Variants in PCDHGB4 observed in about 807,000 individuals in gnomAD.
PCDHGB4 encodes the protein protocadherin gamma-B4.
Under a neutral mutation model 60.5 loss-of-function variants are expected in PCDHGB4, and 38 were observed. The observed-to-expected ratio is 0.63, with a 90% CI of 0.48 to 0.82. The LOEUF (loss-of-function observed/expected upper bound fraction) is 0.82. Ranked by LOEUF, PCDHGB4 falls within the 40% of genes least tolerant of loss-of-function variation. PCDHGB4 has a pLI of 0.00. For missense variants in PCDHGB4, 1,109 were observed against 1,209.6 expected (o/e 0.92, Z 1.23); for synonymous variants, 456 against 509.7 (o/e 0.89, Z 1.42).
chr5:141,432,096 A>G lies in PCDHGB4; in HGVS notation c.2397+41815A>G, dbSNP rs763154183. On this transcript the variant is annotated intron_variant, in intron 1 of 3. Transcript: ENST00000519479. This position sits in a 1 kb window ranked among gnomAD's most constrained non-coding sequence, Gnocchi z 6.0. Reference sequence around the variant, plus strand: ...ATCTCGCTGAACGTGGCAGACACCAACGACAACCCGCCGGTCTTCCCTCAG... The same window carrying G: ...ATCTCGCTGAACGTGGCAGACACCAGCGACAACCCGCCGGTCTTCCCTCAG... The G allele has an allele frequency of 1.9e-6, 3 of 1,613,944 alleles. No homozygotes were observed. Among genetic ancestry groups the G allele is most frequent in the East Asian group, 2.2e-5 (1 of 44,870 alleles).
At chr5:141,430,573 A>C (rs938248057) in intron 1 of PCDHGB4, 8 of 448,940 alleles carry the variant, frequency 1.8e-5, no homozygotes, top group Non-Finnish European at 3.0e-5. Context: ...AGAAAAGCGG[A>C]GATCCTGCTC....
chr5:141,476,421 C>T lies in PCDHGB4; in HGVS notation c.2398-18386C>T, dbSNP rs765688262. On this transcript the variant is annotated intron_variant, in intron 1 of 3. Coordinates refer to ENST00000519479, the MANE Select transcript of PCDHGB4 (RefSeq NM_003736.4). The surrounding 1 kb of genome is among the most constrained non-coding windows in gnomAD (Gnocchi z 7.6). ...CGAGAGGAGCTGTGTGGGACACTGC[C>T]CTCTTGCACTGTAACTCTGGAGTTG... 1 of 1,614,026 alleles carries T rather than the reference C, an allele frequency of 6.2e-7. No homozygotes were observed. The highest frequency in any genetic ancestry group is 8.5e-7 in the Non-Finnish European group (1 of 1,179,994).
At chr5:141,428,024 A>G (rs2097101613) in intron 1 of PCDHGB4, 1 of 1,606,106 alleles carries the variant, frequency 6.2e-7, no homozygotes, top group African/African-American at 1.3e-5. Context: ...CACGCGCCGC[A>G]GAGTCCGGCT....
chr5:141,510,910 A>C (rs780792326), intron 3 of PCDHGB4, 37 bp from the exon 4 acceptor site: 4 of 1,613,740 alleles, frequency 2.5e-6, no homozygotes, highest in Admixed American at 3.3e-5. Flanking sequence ...GAGGACCCTA[A>C]GTTTAGCTCC....
chr5:141,479,572 T>G (rs956648090), intron 1 of PCDHGB4: 2 of 152,190 alleles, frequency 1.3e-5, no homozygotes, highest in African/African-American at 2.4e-5. Context: ...TGGGATGACA[T>G]CTGTGAATAG....
At chr5:141,502,866 C>CTTTTTTTTTTTTTTTT (rs549047197) in intron 2 of PCDHGB4, among the ~76,000 whole-genome samples, 4 of 128,044 alleles carry the variant, frequency 3.1e-5, no homozygotes, top group African/African-American at 3.1e-5. Context: ...GACTCTCTGT[C>CTTTTTTTTTTTTTTTT]TTTTTTTTTT....
Position 141,431,592 on chromosome 5 carries a change from G to A in PCDHGB4, c.2397+41311G>A, listed in dbSNP as rs1429358254. 2.5e-6 allele frequency: 4 copies of A among 1,614,100 alleles called. No individual in the cohort carries two copies. The Admixed American group carries it at 6.7e-5, about 27-fold the overall frequency. The stretch of plus-strand genomic sequence containing the variant: ...GACGAAGGAGTCAATGCGGAAGTGA[G>A]GTATTCCTTCCGGTATGTGGACGAC... On this transcript the variant is annotated intron_variant, in intron 1 of 3. Transcript: ENST00000519479. The surrounding 1 kb of genome is among the most constrained non-coding windows in gnomAD (Gnocchi z 4.8).
At chr5:141,502,866 C>CTTTTTTTT (rs549047197) in intron 2 of PCDHGB4, among the ~76,000 whole-genome samples, 38,988 of 127,080 alleles carry the variant, frequency 0.31, 7,978 homozygotes, top group African/African-American at 0.51. Flanking sequence ...GACTCTCTGT[C>CTTTTTTTT]TTTTTTTTTT....
intron 1 of PCDHGB4, chr5:141,419,828 AC>A (rs1189387492): frequency 6.2e-7 from 1 of 1,614,022 alleles, no homozygotes; most frequent in Non-Finnish European, 8.5e-7. Flanking sequence ...CCTTTCAGCC[AC>A]TGCCACGCTG....
rs751276470 is a variant in PCDHGB4, at chr5:141,431,560, C to A, written c.2397+41279C>A. 6.2e-7 allele frequency: 1 copy of A among 1,614,104 alleles called. No individual in the cohort carries two copies. On this transcript the variant is annotated intron_variant, in intron 1 of 3. Coordinates refer to ENST00000519479, the MANE Select transcript of PCDHGB4 (RefSeq NM_003736.4). This position sits in a 1 kb window ranked among gnomAD's most constrained non-coding sequence, Gnocchi z 4.8. ...CGCAGCTGCTTGTAGTCAACGCTAC[C>A]GACCCTGACGAAGGAGTCAATGCGG...
intron 1 of PCDHGB4, among the ~76,000 whole-genome samples, chr5:141,465,904 C>T (rs1364574558): frequency 2.0e-5 from 3 of 152,046 alleles, no homozygotes; most frequent in Admixed American, 6.5e-5. Context: ...GGGCAAATCA[C>T]GAGGTCAGGA....
At chr5:141,403,167 C>G (rs775617849) in intron 1 of PCDHGB4, 1 of 1,614,026 alleles carries the variant, frequency 6.2e-7, no homozygotes, top group Non-Finnish European at 8.5e-7. Flanking sequence ...AGAGGTAGGA[C>G]GCAGCTTTTC....
intron 1 of PCDHGB4, chr5:141,403,621 C>T: frequency 6.2e-7 from 1 of 1,613,926 alleles, no homozygotes; most frequent in Non-Finnish European, 8.5e-7. Flanking sequence ...CGCGTCGCTC[C>T]AGCACAGTGC....
chr5:141,500,367 C>A (rs953610460), intron 2 of PCDHGB4, among the ~76,000 whole-genome samples: 7 of 151,940 alleles, frequency 4.6e-5, no homozygotes, highest in African/African-American at 1.7e-4. Context: ...CACTACCACG[C>A]CCGGCTAATT....
intron 1 of PCDHGB4, chr5:141,409,789 G>C (rs1390138666): frequency 1.2e-6 from 2 of 1,611,918 alleles, no homozygotes; most frequent in African/African-American, 2.7e-5. Context: ...GCGCCTTCGC[G>C]CTCACGCTGC....
chr5:141,428,131 G>T, intron 1 of PCDHGB4: 1 of 1,602,720 alleles, frequency 6.2e-7, no homozygotes, highest in Non-Finnish European at 8.5e-7. Flanking sequence ...GGGCTTTTCA[G>T]CCTGGGGCTG....
chr5:141,393,049 C>T (rs2092663894), intron 1 of PCDHGB4: 4 of 1,613,486 alleles, frequency 2.5e-6, no homozygotes, highest in South Asian at 1.1e-5. Context: ...GCTCTGAACC[C>T]GCGCAGCGGC....
intron 2 of PCDHGB4, among the ~76,000 whole-genome samples, chr5:141,496,703 GT>G (rs1360916053): frequency 6.6e-6 from 1 of 152,132 alleles, no homozygotes; most frequent in East Asian, 1.9e-4. Context: ...CTTCTCATAA[GT>G]TATCCATTAA....
At chr5:141,423,660 G>A (rs765304048) in intron 1 of PCDHGB4, 1 of 1,560,482 alleles carries the variant, frequency 6.4e-7, no homozygotes, top group Admixed American at 1.9e-5. Flanking sequence ...CAAGTAATCA[G>A]GTGAGATTTA....
Sources: allele counts gnomAD v4.1 joint callset (sites outside exome capture counted in the v4.1 genomes callset), GRCh38; gene constraint gnomAD v4.1.1; non-coding constraint Gnocchi (gnomAD v3.1); transcripts MANE v1.5; gene names NCBI Gene and HGNC (gene_info 2026-07-23, HGNC 2026-07-21).